AQR: variants seen among roughly 807,000 people sequenced by gnomAD.
AQR encodes aquarius intron-binding spliceosomal factor.
AQR carries 61 observed loss-of-function variants against 180.5 expected under a neutral mutation model. That is an observed-to-expected ratio of 0.34 (90% CI 0.28 to 0.42). The LOEUF (loss-of-function observed/expected upper bound fraction) is 0.42, where lower values mean the gene tolerates loss of function less well. Among genes scored for constraint, AQR ranks in the 10% least tolerant of loss-of-function variants. The pLI is 1.00. For missense variants in AQR, 1,281 were observed against 1,798.3 expected, an observed-to-expected ratio of 0.71 and a Z score of 5.20; for synonymous variants, 551 against 588.8, an observed-to-expected ratio of 0.94 and a Z score of 0.93.
chr15:34,932,460 TA>T lies in AQR; in HGVS notation c.784-27del. The T allele has an allele frequency of 2.7e-6, 4 of 1,457,186 alleles. No homozygotes were observed. The Admixed American group carries it at 8.6e-5, about 31-fold the overall frequency. 90.3% of individuals were successfully genotyped at this position (1,457,186 alleles called of 1,614,324 possible). Reference sequence around the variant, plus strand: ...CTGGGAAAAACAAACATCATAACAGTAAGTTTGCATCTATTCTCCACAGCTA... The same window carrying T: ...CTGGGAAAAACAAACATCATAACAGTAGTTTGCATCTATTCTCCACAGCTA... On this transcript the variant is annotated intron_variant, in intron 10 of 34. Coordinates refer to ENST00000156471, the MANE Select transcript of AQR (RefSeq NM_014691.3).
intron 15 of AQR, among the ~76,000 whole-genome samples, chr15:34,915,598 A>AT (rs1893570108): frequency 6.6e-6 from 1 of 152,006 alleles, no homozygotes; most frequent in Non-Finnish European, 1.5e-5. Flanking sequence ...ATAACAACTT[A>AT]TTTTTGTTTT....
intron 5 of AQR, among the ~76,000 whole-genome samples, chr15:34,946,486 G>T: frequency 7.0e-6 from 1 of 143,094 alleles, no homozygotes; most frequent in East Asian, 2.2e-4. Flanking sequence ...GAGGTGGGGG[G>T]GTCAGCCCCC....
chr15:34,943,761 A>T (rs1894066480), intron 6 of AQR, among the ~76,000 whole-genome samples: 1 of 152,228 alleles, frequency 6.6e-6, no homozygotes, highest in Admixed American at 6.5e-5. Flanking sequence ...AATTTTTTAG[A>T]AGATAATCTT....
intron 4 of AQR, among the ~76,000 whole-genome samples, chr15:34,950,135 G>A (rs1304056709): frequency 7.4e-6 from 1 of 134,404 alleles, no homozygotes; most frequent in East Asian, 2.1e-4. Context: ...CTGTTGCCAG[G>A]CTGGAGTGCA....
chr15:34,940,833 C>A, intron 8 of AQR, 66 bp downstream of exon 8: 2 of 1,236,062 alleles, frequency 1.6e-6, no homozygotes, highest in Non-Finnish European at 2.3e-6. Flanking sequence ...ACAAACCAGT[C>A]AACATCATCT....
intron 27 of AQR, 76 bp from the exon 28 acceptor site, chr15:34,876,082 A>G: frequency 2.8e-6 from 3 of 1,066,098 alleles, no homozygotes; most frequent in Non-Finnish European, 4.2e-6. Flanking sequence ...ATCATCAAAA[A>G]AACCCCAAAT....
At chr15:34,862,053 T>C (rs868761434) in intron 33 of AQR, among the ~76,000 whole-genome samples, 1 of 152,070 alleles carries the variant, frequency 6.6e-6, no homozygotes, top group Non-Finnish European at 1.5e-5. Flanking sequence ...AAAAGGAATA[T>C]AAGGATAAAC....
intron 4 of AQR, among the ~76,000 whole-genome samples, chr15:34,951,181 T>C (rs1451305520): frequency 6.6e-6 from 1 of 152,222 alleles, no homozygotes; most frequent in Non-Finnish European, 1.5e-5. Context: ...GAAACCCTTT[T>C]CTCAGTTCAC....
At position 34,964,219 on chromosome 15, in the gene AQR, A is replaced by G. The variant is rs2050297594; in HGVS notation, c.132+15T>C. On this transcript the variant is annotated intron_variant, in intron 2 of 34. Coordinates refer to ENST00000156471, the MANE Select transcript of AQR (RefSeq NM_014691.3). Reference sequence around the variant, plus strand: ...GTAACTTCTCAAGAATTATGTTGAAACCAAAAATACTTACCTTTATATCAA... The same window carrying G: ...GTAACTTCTCAAGAATTATGTTGAAGCCAAAAATACTTACCTTTATATCAA... 1.3e-6 allele frequency: 2 copies of G among 1,580,436 alleles called. No individual in the cohort carries two copies. The highest frequency in any genetic ancestry group is 3.4e-5 in the Admixed American group (2 of 59,122).
intron 4 of AQR, among the ~76,000 whole-genome samples, chr15:34,951,667 C>CAAAA (rs35929298): frequency 1.3e-5 from 1 of 74,870 alleles, no homozygotes; most frequent in African/African-American, 4.4e-5. Context: ...GAGACTGTCT[C>CAAAA]AAAAAAAAAA....
At chr15:34,882,260 T>C (rs557302559) in intron 27 of AQR, among the ~76,000 whole-genome samples, 3 of 152,176 alleles carry the variant, frequency 2.0e-5, no homozygotes, top group Admixed American at 2.0e-4. Context: ...AATAAAACTT[T>C]AACAAGTATG....
intron 30 of AQR, 33 bp from the exon 31 acceptor site, chr15:34,870,955 A>G: frequency 6.3e-7 from 1 of 1,580,712 alleles, no homozygotes; most frequent in South Asian, 1.2e-5. Flanking sequence ...CTGTGCATTC[A>G]TTTGCTTTTG....
At chr15:34,937,170 T>G (rs374371226) in intron 9 of AQR, among the ~76,000 whole-genome samples, 14 of 152,278 alleles carry the variant, frequency 9.2e-5, no homozygotes, top group African/African-American at 3.1e-4. Context: ...CCTGAGTAGC[T>G]GGGACTACAG....
chr15:34,930,965 T>G (rs1893849183), intron 11 of AQR, among the ~76,000 whole-genome samples: 3 of 151,454 alleles, frequency 2.0e-5, no homozygotes, highest in Admixed American at 6.6e-5. Flanking sequence ...GCCTCCGGAG[T>G]AGCTGGGACT....
At chr15:34,924,160 A>G (rs1459761601) in intron 13 of AQR, among the ~76,000 whole-genome samples, 1 of 152,180 alleles carries the variant, frequency 6.6e-6, no homozygotes, top group Non-Finnish European at 1.5e-5. Context: ...GTTTTCATAG[A>G]GTATTAAAGA....
chr15:34,925,585 A>C (rs1474621787), intron 13 of AQR, among the ~76,000 whole-genome samples: 2 of 152,224 alleles, frequency 1.3e-5, no homozygotes, highest in African/African-American at 4.8e-5. Flanking sequence ...TCATGCCTCT[A>C]ATCCCAGCTC....
chr15:34,919,349 T>G (rs1487211979), intron 14 of AQR, among the ~76,000 whole-genome samples: 2 of 152,142 alleles, frequency 1.3e-5, no homozygotes, highest in Admixed American at 6.5e-5. Context: ...AGTATAATTA[T>G]AGAAAAAATC....
In AQR at chr15:34,962,293, A is replaced by ATTACAGTC. The variant is rs1377565422; in HGVS notation, c.133-1487_133-1480dup. 5.9e-5 allele frequency among the ~76,000 whole-genome samples: 9 copies of ATTACAGTC among 152,068 alleles called. No individual in the cohort carries two copies. The East Asian group carries it at 1.7e-3, about 29-fold the overall frequency. ...CGCCTCAGCCTCCCAAAGTGCTGGG[A>ATTACAGTC]TTACAGTCATGAGCCATGGTACCTA... On this transcript the variant is annotated intron_variant, in intron 2 of 34. Coordinates refer to ENST00000156471, the MANE Select transcript of AQR (RefSeq NM_014691.3).
chr15:34,860,213 C>T (rs2140456843), intron 33 of AQR, 58 bp from the exon 34 acceptor site: 1 of 815,666 alleles, frequency 1.2e-6, no homozygotes, highest in Non-Finnish European at 1.8e-6. Context: ...GAAGGTAACA[C>T]TTCAACATAA....
Sources: allele counts gnomAD v4.1 joint callset (sites outside exome capture counted in the v4.1 genomes callset), GRCh38; gene constraint gnomAD v4.1.1; transcripts MANE v1.5; gene names NCBI Gene and HGNC (gene_info 2026-07-23, HGNC 2026-07-21).